Variants in FERMT2 observed in about 807,000 individuals in gnomAD.
FERMT2 encodes the protein fermitin family homolog 2.
FERMT2 carries 15 observed loss-of-function variants against 82.7 expected under a neutral mutation model. The observed-to-expected ratio is 0.18, with a 90% CI of 0.12 to 0.28. The LOEUF (loss-of-function observed/expected upper bound fraction) is 0.28. Ranked by LOEUF, FERMT2 falls within the 10% of genes least tolerant of loss-of-function variation. The pLI, the probability that FERMT2 is intolerant of heterozygous loss-of-function variation, is 1.00. For synonymous variants in FERMT2, 274 were observed against 271.5 expected (o/e 1.01, Z -0.09); for missense variants, 645 against 809.4 (o/e 0.80, Z 2.46).
At chr14:52,900,179 A>T (rs1468003430) in intron 3 of FERMT2, among the ~76,000 whole-genome samples, 1 of 151,538 alleles carries the variant, frequency 6.6e-6, no homozygotes, top group Non-Finnish European at 1.5e-5. Flanking sequence ...TAGTGTGCTC[A>T]CAGGTCACAG....
intron 12 of FERMT2, chr14:52,860,678 C>T (rs1209896436): frequency 3.7e-5 from 21 of 570,716 alleles, no homozygotes; most frequent in Non-Finnish European, 6.4e-5. Flanking sequence ...TTTCATATAT[C>T]AACAAAAAGT....
intron 3 of FERMT2, among the ~76,000 whole-genome samples, chr14:52,910,837 A>G (rs1443754978): frequency 6.6e-6 from 1 of 152,182 alleles, no homozygotes; most frequent in African/African-American, 2.4e-5. Flanking sequence ...TTTGGTAGCA[A>G]TGGAAATGTC....
At chr14:52,880,207 T>C (rs1401296093) in intron 6 of FERMT2, among the ~76,000 whole-genome samples, 1 of 152,106 alleles carries the variant, frequency 6.6e-6, no homozygotes, top group African/African-American at 2.4e-5. Context: ...CAGTGAGCCA[T>C]GATCATACCA....
chr14:52,920,287 C>CA lies in FERMT2; in HGVS notation c.158-932dup, dbSNP rs1340359962. The stretch of plus-strand genomic sequence containing the variant: ...ACTGTATGTTAAACTTACTAAGTGC[C>CA]AAAAAAAGGGAAAGTGATGTTTCAA... On this transcript the variant is annotated intron_variant, in intron 2 of 14. Coordinates refer to ENST00000341590, the MANE Select transcript of FERMT2 (RefSeq NM_006832.3). 5.3e-5 allele frequency among the ~76,000 whole-genome samples: 8 copies of CA among 151,742 alleles called. No individual in the cohort carries two copies. The East Asian group carries it at 1.5e-3, about 29-fold the overall frequency.
chr14:52,873,339 G>A (rs144696366), intron 9 of FERMT2, among the ~76,000 whole-genome samples: 1 of 152,178 alleles, frequency 6.6e-6, no homozygotes, highest in Admixed American at 6.5e-5. Flanking sequence ...CTATAAAGAT[G>A]CAAATTTACC....
intron 4 of FERMT2, among the ~76,000 whole-genome samples, chr14:52,892,746 G>A (rs537713658): frequency 3.0e-4 from 46 of 152,202 alleles, no homozygotes; most frequent in Non-Finnish European, 4.7e-4. Flanking sequence ...GTGAGCCACC[G>A]CGCCTGGCCT....
At chr14:52,938,598 ACT>A (rs1889954122) in intron 2 of FERMT2, among the ~76,000 whole-genome samples, 1 of 152,030 alleles carries the variant, frequency 6.6e-6, no homozygotes, top group African/African-American at 2.4e-5. Context: ...ACACAGTCTC[ACT>A]CTGTCAACCA....
chr14:52,884,771 C>A (rs1886491544), intron 4 of FERMT2, among the ~76,000 whole-genome samples: 1 of 150,808 alleles, frequency 6.6e-6, no homozygotes, highest in South Asian at 2.1e-4. Context: ...GAGGCCGAGG[C>A]AGGCAGATCA....
At chr14:52,921,091 T>C (rs148331341) in intron 2 of FERMT2, among the ~76,000 whole-genome samples, 7 of 152,274 alleles carry the variant, frequency 4.6e-5, no homozygotes, top group South Asian at 2.1e-4. Flanking sequence ...AATCTAGAAA[T>C]TGAAACACAC....
chr14:52,910,455 G>C (rs1168820879), intron 3 of FERMT2, among the ~76,000 whole-genome samples: 1 of 151,926 alleles, frequency 6.6e-6, no homozygotes, highest in South Asian at 2.1e-4. Flanking sequence ...TCTTAAGAAG[G>C]CTCTTCATTT....
intron 3 of FERMT2, among the ~76,000 whole-genome samples, chr14:52,910,242 C>T (rs1176729923): frequency 6.6e-6 from 1 of 152,110 alleles, no homozygotes. Context: ...TTGTGCTTCT[C>T]CATCCCTATC....
rs538576667 is a variant in FERMT2, at chr14:52,896,833, A to T, written c.392-3406T>A. Among the ~76,000 whole-genome samples the T allele has an allele frequency of 2.4e-3, 360 of 151,462 alleles. 1 individual carries two copies. Among genetic ancestry groups the T allele is most frequent in the Non-Finnish European group, 2.5e-3 (167 of 67,820 alleles). On this transcript the variant is annotated intron_variant, in intron 3 of 14. Transcript: ENST00000341590. Reference sequence around the variant, plus strand: ...AGGAAGACCTTTTCTCTACAAACAAAATTTTTTTTTAAATTAGCCAGGCAT... The same window carrying T: ...AGGAAGACCTTTTCTCTACAAACAATATTTTTTTTTAAATTAGCCAGGCAT...
intron 3 of FERMT2, among the ~76,000 whole-genome samples, chr14:52,912,587 T>C (rs1241240253): frequency 1.3e-5 from 2 of 151,646 alleles, no homozygotes; most frequent in Non-Finnish European, 2.9e-5. Context: ...CATGGCTCAC[T>C]GCGACCTCCA....
chr14:52,923,153 T>C (rs1889056741), intron 2 of FERMT2, among the ~76,000 whole-genome samples: 1 of 151,914 alleles, frequency 6.6e-6, no homozygotes, highest in African/African-American at 2.4e-5. Context: ...CTGCTGTAGT[T>C]GACTGAAACA....
intron 3 of FERMT2, among the ~76,000 whole-genome samples, chr14:52,902,319 G>C (rs886123326): frequency 6.6e-6 from 1 of 152,008 alleles, no homozygotes; most frequent in Non-Finnish European, 1.5e-5. Context: ...CTTGAACCTA[G>C]GAGGCGGAGG....
chr14:52,937,730 C>T (rs1274730158), intron 2 of FERMT2, among the ~76,000 whole-genome samples: 2 of 152,122 alleles, frequency 1.3e-5, no homozygotes, highest in Non-Finnish European at 2.9e-5. Context: ...TCATGTTATA[C>T]CTCTATAACC....
intron 4 of FERMT2, among the ~76,000 whole-genome samples, chr14:52,891,012 T>C (rs1296041654): frequency 6.6e-6 from 1 of 152,220 alleles, no homozygotes; most frequent in East Asian, 1.9e-4. Context: ...GTAAATTTGA[T>C]ACTCTTTCTA....
At position 52,859,558 on chromosome 14, in the gene FERMT2, T is replaced by C. The variant is rs1399207113; in HGVS notation, c.1869+15A>G. 6.9e-6 allele frequency: 11 copies of C among 1,584,710 alleles called. No individual in the cohort carries two copies. Among genetic ancestry groups the C allele is most frequent in the African/African-American group, 6.8e-5 (5 of 74,010 alleles). On this transcript the variant is annotated intron_variant, in intron 14 of 14. Transcript: ENST00000341590. ...AGAGAAGGACTATATTCAAGTAACA[T>C]TGTTATGAGTTTACCATTTTGATTT...
intron 3 of FERMT2, among the ~76,000 whole-genome samples, chr14:52,917,618 C>A (rs556501846): frequency 3.9e-5 from 6 of 152,126 alleles, no homozygotes; most frequent in Admixed American, 1.3e-4. Flanking sequence ...TCCCGAATCC[C>A]CTGAAATGAC....
Sources: gnomAD v4.1 joint callset for allele counts (sites outside exome capture counted in the v4.1 genomes callset) on GRCh38, gnomAD v4.1.1 for gene constraint, MANE v1.5 for transcripts, NCBI Gene and HGNC (gene_info 2026-07-23, HGNC 2026-07-21) for gene names.